KLRD1: variants seen among roughly 807,000 people sequenced by gnomAD.
The protein encoded by KLRD1 is killer cell lectin like receptor D1, also known as natural killer cells antigen CD94.
In KLRD1, 21 loss-of-function variants were observed where a neutral mutation model predicts 22.6. The observed-to-expected ratio is 0.93, with a 90% CI of 0.66 to 1.34. The LOEUF (loss-of-function observed/expected upper bound fraction) is 1.34. Among genes scored for constraint, KLRD1 ranks in the 40% most tolerant of loss-of-function variants. KLRD1 has a pLI of 0.00. For synonymous variants in KLRD1, 59 were observed against 71.1 expected (o/e 0.83, Z 0.85); for missense variants, 183 against 208.6 (o/e 0.88, Z 0.76).
chr12:10,264,998 T>A (rs1949486382), intron 1 of KLRD1, among the ~76,000 whole-genome samples: 1 of 152,160 alleles, frequency 6.6e-6, no homozygotes, highest in South Asian at 2.1e-4. Context: ...GTCTTCCAAG[T>A]TCATCCATGT....
At chr12:10,265,957 C>T (rs1488812644) in intron 1 of KLRD1, among the ~76,000 whole-genome samples, 1 of 152,082 alleles carries the variant, frequency 6.6e-6, no homozygotes, top group Non-Finnish European at 1.5e-5. Context: ...TGAAGAACAC[C>T]TCCCTTCATG....
rs1224628583 is a variant in KLRD1 at position 10,317,087 on chromosome 12, TC to T, written c.*2296del. 1 of 152,198 alleles carries T rather than the reference TC, an allele frequency of 6.6e-6. No homozygotes were observed. Among genetic ancestry groups the T allele is most frequent in the African/African-American group, 2.4e-5 (1 of 41,436 alleles). 9.4% of individuals were successfully genotyped at this position (152,198 alleles called of 1,614,324 possible). ...CTGAGAATGATGGTTTCCAGCTTCA[TC>T]CATGTCGCTGCAAAGGACATGAACT... On this transcript the variant is annotated 3_prime_UTR_variant, in exon 6 of 6. Transcript: ENST00000336164.
At position 10,243,631 on chromosome 12, in the gene KLRD1, A is replaced by AAAAAAAAAAAAAAAAAAAAAAAAAG. The variant is rs771543645; in HGVS notation, c.-101+17400_-101+17401insAAAAAAAAAAAAAAAAAAAAAAGAA. ...CCAAAAAAAAAAAAAAAAAAAAAAA[A>AAAAAAAAAAAAAAAAAAAAAAAAAG]AACCGAAATGAAAGATATGGAACAA... On this transcript the variant is annotated intron_variant, in intron 1 of 5. Transcript: ENST00000544747. 1.7e-4 allele frequency among the ~76,000 whole-genome samples: 20 copies of AAAAAAAAAAAAAAAAAAAAAAAAAG among 118,778 alleles called. 4 individuals carry two copies. The highest frequency in any genetic ancestry group is 8.9e-4 in the South Asian group (3 of 3,382). The allele number at this position is 118,778 out of a possible 152,430, so 77.9% of individuals were successfully genotyped here.
At chr12:10,240,361 T>C (rs1277495040) in intron 1 of KLRD1, among the ~76,000 whole-genome samples, 3 of 151,958 alleles carry the variant, frequency 2.0e-5, no homozygotes, top group Admixed American at 1.3e-4. Flanking sequence ...TGCCCAGCCC[T>C]CATTTCTATT....
intron 1 of KLRD1, among the ~76,000 whole-genome samples, chr12:10,257,353 G>T (rs1949407666): frequency 6.7e-6 from 1 of 149,616 alleles, no homozygotes; most frequent in South Asian, 2.1e-4. Flanking sequence ...ACTTATAATG[G>T]GTATATTGGT....
At chr12:10,261,967 GT>G (rs1949458249) in intron 1 of KLRD1, among the ~76,000 whole-genome samples, 1 of 151,950 alleles carries the variant, frequency 6.6e-6, no homozygotes, top group Non-Finnish European at 1.5e-5. Flanking sequence ...TCTATGTGAT[GT>G]TTTCCCCCAT....
At chr12:10,284,152 CT>C (rs1177675745) in intron 1 of KLRD1, among the ~76,000 whole-genome samples, 1 of 152,030 alleles carries the variant, frequency 6.6e-6, no homozygotes, top group African/African-American at 2.4e-5. Flanking sequence ...CACCAGTGCA[CT>C]CCAGCCTGGG....
chr12:10,244,006 A>G (rs1351678857), intron 1 of KLRD1, among the ~76,000 whole-genome samples: 3 of 152,008 alleles, frequency 2.0e-5, no homozygotes, highest in Admixed American at 1.3e-4. Context: ...GTGGTTAGAA[A>G]CTGTTGTTTA....
At chr12:10,308,159 T>G in intron 1 of KLRD1, 75 bp downstream of exon 1, 109 of 1,303,818 alleles carry the variant, frequency 8.4e-5, no homozygotes, top group Non-Finnish European at 1.1e-4. Flanking sequence ...TTTGGGGTAA[T>G]GCTTTAAGAG....
intron 1 of KLRD1, among the ~76,000 whole-genome samples, chr12:10,271,411 C>T (rs759483046): frequency 2.6e-5 from 4 of 152,146 alleles, no homozygotes; most frequent in Non-Finnish European, 5.9e-5. Flanking sequence ...CTCATTTGCT[C>T]TTAACAGAGC....
At chr12:10,296,346 C>G (rs1373640436) in intron 1 of KLRD1, among the ~76,000 whole-genome samples, 1 of 152,058 alleles carries the variant, frequency 6.6e-6, no homozygotes, top group Admixed American at 6.5e-5. Context: ...GAAACCCCGT[C>G]TCTACTAAAA....
intron 4 of KLRD1, among the ~76,000 whole-genome samples, chr12:10,312,737 C>T (rs1309296549): frequency 1.3e-5 from 2 of 151,116 alleles, no homozygotes; most frequent in Admixed American, 1.3e-4. Context: ...AACCTGTAAT[C>T]CCAGCACTTT....
In KLRD1 at chr12:10,309,663, A is replaced by G. The variant is rs142024688; in HGVS notation, c.138A>G (p.Pro46=). Residue 46 remains proline, a synonymous_variant, in exon 3 of 6, where the codon CCA becomes CCG. Coordinates refer to ENST00000336164, the MANE Select transcript of KLRD1 (RefSeq NM_002262.5). ...TKLSIEPAFT[P]GPNIELQKDS... is the part of the protein sequence containing the mutation. ...TGAGTATTGAGCCAGCATTTACTCC[A>G]GGACCCAACATAGAACTCCAGAAAG... is the stretch of plus-strand genomic sequence containing the variant. 101 of 1,613,050 alleles carry G rather than the reference A, an allele frequency of 6.3e-5. No individual in the cohort carries two copies. Among genetic ancestry groups the G allele is most frequent in the Middle Eastern group, 3.3e-4 (2 of 6,078 alleles).
chr12:10,304,890 G>GT (rs1692016274), upstream of KLRD1, among the ~76,000 whole-genome samples: 3 of 152,202 alleles, frequency 2.0e-5, no homozygotes, highest in South Asian at 4.2e-4. Context: ...AACGTCTTTT[G>GT]TTTTTTCTCA....
At chr12:10,252,566 T>A (rs1437425381) in intron 1 of KLRD1, among the ~76,000 whole-genome samples, 1 of 152,142 alleles carries the variant, frequency 6.6e-6, no homozygotes, top group Admixed American at 6.5e-5. Context: ...TAGTTCTTCT[T>A]CCCTCATGTT....
upstream of KLRD1, among the ~76,000 whole-genome samples, chr12:10,299,471 A>G (rs1592071804): frequency 2.0e-5 from 3 of 152,248 alleles, no homozygotes; most frequent in Non-Finnish European, 4.4e-5. Context: ...TAATGTATAT[A>G]AAAGTTATGT....
intron 1 of KLRD1, among the ~76,000 whole-genome samples, chr12:10,272,705 A>G (rs1403433187): frequency 6.6e-6 from 1 of 152,228 alleles, no homozygotes; most frequent in African/African-American, 2.4e-5. Flanking sequence ...TTGCGACATC[A>G]GAGAGGATGT....
chr12:10,243,869 T>C (rs886370561), intron 1 of KLRD1, among the ~76,000 whole-genome samples: 1 of 152,134 alleles, frequency 6.6e-6, no homozygotes, highest in African/African-American at 2.4e-5. Context: ...AATACAATGA[T>C]TCCGTGTTTA....
intron 1 of KLRD1, among the ~76,000 whole-genome samples, chr12:10,268,136 G>A (rs917200902): frequency 2.0e-4 from 31 of 152,300 alleles, no homozygotes; most frequent in African/African-American, 7.5e-4. Flanking sequence ...ATCACTTGGG[G>A]GTTTATGGAG....
Sources: allele counts gnomAD v4.1 joint callset (sites outside exome capture counted in the v4.1 genomes callset), GRCh38; gene constraint gnomAD v4.1.1; transcripts MANE v1.5; gene names NCBI Gene and HGNC (gene_info 2026-07-23, HGNC 2026-07-21).